Variants in DOK6 observed in about 807,000 individuals in gnomAD.
DOK6 encodes the protein docking protein 6.
Under a neutral mutation model 44.0 loss-of-function variants are expected in DOK6, and 22 were observed. That is an observed-to-expected ratio of 0.50 (90% CI 0.36 to 0.71). The LOEUF (loss-of-function observed/expected upper bound fraction) is 0.71. Among genes scored for constraint, DOK6 ranks in the 30% least tolerant of loss-of-function variants. The pLI is 0.00. For synonymous variants in DOK6, 166 were observed against 145.5 expected, an observed-to-expected ratio of 1.14 and a Z score of -1.01; for missense variants, 340 against 416.4, an observed-to-expected ratio of 0.82 and a Z score of 1.60.
At chr18:69,511,224 CTGT>C (rs1403540873) in intron 1 of DOK6, among the ~76,000 whole-genome samples, 4 of 152,132 alleles carry the variant, frequency 2.6e-5, no homozygotes, top group Non-Finnish European at 5.9e-5. Context: ...CCCATATCAT[CTGT>C]TGTTTTTGTA....
At chr18:69,592,409 A>G (rs1396447135) in intron 2 of DOK6, among the ~76,000 whole-genome samples, 10 of 152,018 alleles carry the variant, frequency 6.6e-5, no homozygotes, top group Middle Eastern at 3.2e-3. Context: ...CTCCAAATCA[A>G]TTATGAAATC....
intron 3 of DOK6, chr18:69,661,543 A>C (rs1985527151): frequency 6.6e-6 from 1 of 152,216 alleles, no homozygotes; most frequent in Non-Finnish European, 1.5e-5. Context: ...GTCAGGTGTG[A>C]GAAATGGTGG....
At chr18:69,677,598 A>G in intron 3 of DOK6, 136 bp from the exon 4 acceptor site, 1 of 1,434,012 alleles carries the variant, frequency 7.0e-7, no homozygotes, top group Non-Finnish European at 9.4e-7. Flanking sequence ...CACTTCCTAA[A>G]TACAGTTTTT....
At position 69,482,055 on chromosome 18, in the gene DOK6, A is replaced by G. The variant is rs368915819; in HGVS notation, c.66+80745A>G. Among the ~76,000 whole-genome samples the G allele has an allele frequency of 7.2e-5, 11 of 151,928 alleles. No homozygotes were observed. In the East Asian group the frequency reaches 1.9e-3, roughly 27 times the overall value. ...AGTGTCTGTTCATATCCTTTGCCCA[A>G]TTTTTGATGGGGTTGTTTGTTTTTT... On this transcript the variant is annotated intron_variant, in intron 1 of 7. Coordinates refer to ENST00000382713, the MANE Select transcript of DOK6 (RefSeq NM_152721.6).
At chr18:69,556,190 T>C (rs1982681011) in intron 1 of DOK6, among the ~76,000 whole-genome samples, 1 of 152,182 alleles carries the variant, frequency 6.6e-6, no homozygotes, top group Admixed American at 6.5e-5. Flanking sequence ...TGACCTGGCT[T>C]GTCCCTGTCT....
At chr18:69,698,685 C>T (rs1986446960) in intron 5 of DOK6, 92 bp downstream of exon 5, 12 of 1,277,518 alleles carry the variant, frequency 9.4e-6, no homozygotes, top group Non-Finnish European at 1.2e-5. Flanking sequence ...TCCATCATTG[C>T]CCCCAGTGAG....
chr18:69,734,001 C>T (rs1027341314), intron 5 of DOK6, among the ~76,000 whole-genome samples: 1 of 152,062 alleles, frequency 6.6e-6, no homozygotes, highest in Non-Finnish European at 1.5e-5. Flanking sequence ...ATCTTTTCTT[C>T]TGTGACTTTA....
chr18:69,694,367 A>G (rs1217511436), intron 4 of DOK6, among the ~76,000 whole-genome samples: 2 of 151,712 alleles, frequency 1.3e-5, no homozygotes, highest in Non-Finnish European at 2.9e-5. Context: ...CCCTAGTGAA[A>G]AAGATGCCCT....
intron 7 of DOK6, among the ~76,000 whole-genome samples, chr18:69,809,074 AAAG>A (rs1320876400): frequency 4.6e-5 from 7 of 152,062 alleles, no homozygotes; most frequent in African/African-American, 1.7e-4. Context: ...CAGGACACTA[AAAG>A]GATCATTCAC....
chr18:69,776,110 T>C (rs1980054283), intron 7 of DOK6, among the ~76,000 whole-genome samples: 3 of 151,976 alleles, frequency 2.0e-5, no homozygotes, highest in African/African-American at 7.2e-5. Flanking sequence ...AATGAGACTT[T>C]TAAAAAGGTA....
chr18:69,642,973 C>A (rs1022303270), intron 3 of DOK6, among the ~76,000 whole-genome samples: 1 of 152,200 alleles, frequency 6.6e-6, no homozygotes, highest in African/African-American at 2.4e-5. Flanking sequence ...TCTATCATTA[C>A]TTTCCTATTT....
intron 7 of DOK6, among the ~76,000 whole-genome samples, chr18:69,776,535 G>A (rs550056480): frequency 1.0e-3 from 156 of 152,112 alleles, no homozygotes; most frequent in Non-Finnish European, 2.0e-3. Context: ...TTACATACAC[G>A]TATTTAGAAG....
intron 1 of DOK6, among the ~76,000 whole-genome samples, chr18:69,429,891 A>G (rs1266757106): frequency 6.6e-6 from 1 of 151,942 alleles, no homozygotes; most frequent in African/African-American, 2.4e-5. Flanking sequence ...TAAACTATTC[A>G]TTATCATTAT....
At chr18:69,821,783 C>T (rs1981579213) in intron 7 of DOK6, among the ~76,000 whole-genome samples, 1 of 59,384 alleles carries the variant, frequency 1.7e-5, no homozygotes. Flanking sequence ...TGATAGCATG[C>T]TATTGTTTTT....
At chr18:69,466,303 G>A (rs534999165) in intron 1 of DOK6, among the ~76,000 whole-genome samples, 8 of 152,192 alleles carry the variant, frequency 5.3e-5, no homozygotes, top group African/African-American at 1.9e-4. Flanking sequence ...CACTTAACAT[G>A]TTTTCCAGAT....
At chr18:69,567,028 A>T (rs1271275652) in intron 2 of DOK6, among the ~76,000 whole-genome samples, 1 of 152,326 alleles carries the variant, frequency 6.6e-6, no homozygotes, top group East Asian at 1.9e-4. Flanking sequence ...TATCTTACAG[A>T]TTGCCTCTTT....
At chr18:69,819,761 C>T (rs531298502) in intron 7 of DOK6, among the ~76,000 whole-genome samples, 1 of 152,240 alleles carries the variant, frequency 6.6e-6, no homozygotes, top group Non-Finnish European at 1.5e-5. Flanking sequence ...TGAAATGATG[C>T]TGTATTTGTC....
chr18:69,716,446 T>A (rs1986882736), intron 5 of DOK6, among the ~76,000 whole-genome samples: 1 of 152,164 alleles, frequency 6.6e-6, no homozygotes, highest in Non-Finnish European at 1.5e-5. Context: ...GTGTTTCAAT[T>A]TCCTCTTCAC....
chr18:69,838,095 A>G (rs1982102139), intron 7 of DOK6, among the ~76,000 whole-genome samples: 1 of 145,752 alleles, frequency 6.9e-6, no homozygotes, highest in South Asian at 2.2e-4. Context: ...GGATTTAAAA[A>G]AAGTGTTAAT....
Sources: gnomAD v4.1 joint callset for allele counts (sites outside exome capture counted in the v4.1 genomes callset) on GRCh38, gnomAD v4.1.1 for gene constraint, MANE v1.5 for transcripts, NCBI Gene and HGNC (gene_info 2026-07-23, HGNC 2026-07-21) for gene names.